Variants in H2AX observed in about 807,000 individuals in gnomAD.
H2AX encodes histone H2AX.
In H2AX, 2 loss-of-function variants were observed where a neutral mutation model predicts 8.0. The observed-to-expected ratio is 0.25, with a 90% CI of 0.10 to 0.79. H2AX has a LOEUF of 0.79. Ranked by LOEUF, H2AX falls within the 30% of genes least tolerant of loss-of-function variation. H2AX has a pLI of 0.69. For synonymous variants in H2AX, 110 were observed against 102.5 expected, an observed-to-expected ratio of 1.07 and a Z score of -0.44; for missense variants, 105 against 201.0, an observed-to-expected ratio of 0.52 and a Z score of 2.89.
Position 119,094,815 on chromosome 11 carries a change from C to G in H2AX, c.*148G>C, listed in dbSNP as rs1413888511. 1.2e-6 allele frequency: 1 copy of G among 826,754 alleles called. No individual in the cohort carries two copies. Among genetic ancestry groups the G allele is most frequent in the South Asian group, 1.9e-5 (1 of 51,442 alleles). The allele number at this position is 826,754 out of a possible 1,614,324, so 51.2% of individuals were successfully genotyped here. A position where few individuals can be genotyped will look rare whatever the true frequency, so the allele number is the denominator to read the frequency against. On this transcript the variant is annotated 3_prime_UTR_variant, in exon 1 of 1. Coordinates refer to ENST00000530167, the MANE Select transcript of H2AX (RefSeq NM_002105.3). ...CTCGAGGCCGGGCGGCGAAGGCGGG[C>G]GAGGGGAGGGGAGGGGAAGGGAGCC...
rs371487025 is a variant in H2AX, at chr11:119,095,131, G to A, written c.264C>T (p.Ile88=). 3.2e-5 allele frequency: 51 copies of A among 1,613,936 alleles called. No individual in the cohort carries two copies. Among genetic ancestry groups the A allele is most frequent in the Admixed American group, 6.7e-5 (4 of 60,012 alleles). The change falls in exon 1 of 1, where the codon ATC becomes ATT. Residue 88 remains isoleucine (I), a synonymous_variant. Coordinates refer to ENST00000530167, the MANE Select transcript of H2AX (RefSeq NM_002105.3). The part of the protein sequence containing the change: ...RIIPRHLQLA[I]RNDEELNKLL... ...GCTTGTTGAGCTCCTCGTCGTTGCG[G>A]ATGGCCAGCTGCAGGTGGCGGGGGA... is the stretch of plus-strand genomic sequence containing the variant.
Position 119,095,448 on chromosome 11 carries a change from C to T in H2AX, c.-54G>A, listed in dbSNP as rs1447594318. The T allele has an allele frequency of 4.1e-6, 6 of 1,461,644 alleles. No individual in the cohort carries two copies. The highest frequency in any genetic ancestry group is 2.5e-4 in the Middle Eastern group (1 of 3,938). 90.5% of individuals were successfully genotyped at this position (1,461,644 alleles called of 1,614,324 possible). On this transcript the variant is annotated 5_prime_UTR_variant, in exon 1 of 1. Coordinates refer to ENST00000530167, the MANE Select transcript of H2AX (RefSeq NM_002105.3). ...CGGCTCAAACACTAGAACAGACGCC[C>T]GCCGCAGTGTAACTGCTGTCGCGCG...
At position 119,094,643 on chromosome 11, in the gene H2AX, C is replaced by T. The variant is rs58232506; in HGVS notation, c.*320G>A. 6.8e-3 allele frequency: 1,497 copies of T among 220,536 alleles called. 24 individuals are homozygous for T. Among genetic ancestry groups the T allele is most frequent in the African/African-American group, 0.032 (1,413 of 43,700 alleles). 13.7% of individuals were successfully genotyped at this position (220,536 alleles called of 1,614,324 possible). On this transcript the variant is annotated 3_prime_UTR_variant, in exon 1 of 1. Transcript: ENST00000530167. ...GCCGCCGGCCTCCCCCCGGCAGGCT[C>T]GGGTCTTCCGCGCCACGGAGGTCCC...
In H2AX at chr11:119,094,852, G is replaced by T; in HGVS notation, c.*111C>A. 8.7e-7 allele frequency: 1 copy of T among 1,155,232 alleles called. No individual in the cohort carries two copies. Among genetic ancestry groups the T allele is most frequent in the African/African-American group, 1.6e-5 (1 of 62,812 alleles). 71.6% of individuals were successfully genotyped at this position (1,155,232 alleles called of 1,614,324 possible). On this transcript the variant is annotated 3_prime_UTR_variant, in exon 1 of 1. Coordinates refer to ENST00000530167, the MANE Select transcript of H2AX (RefSeq NM_002105.3). ...AGGGGAAGGGAGCCGCGGCCCGCTT[G>T]CCCCGCAGTCTGAAGCGGCTCAGCT...
chr11:119,094,257 C>T lies in H2AX; in HGVS notation c.*706G>A, dbSNP rs562765455. On this transcript the variant is annotated 3_prime_UTR_variant, in exon 1 of 1. Coordinates refer to ENST00000530167, the MANE Select transcript of H2AX (RefSeq NM_002105.3). ...CAAGTGCTTCGTCCCGGCCCCAGCGCAGACCTATGAATGAAGATGGAGGGA... is the reference window on the plus strand; with the variant it reads ...CAAGTGCTTCGTCCCGGCCCCAGCGTAGACCTATGAATGAAGATGGAGGGA... 1.3e-5 allele frequency: 2 copies of T among 152,432 alleles called. No homozygotes were observed. The highest frequency in any genetic ancestry group is 4.8e-5 in the African/African-American group (2 of 41,484). The allele number at this position is 152,432 out of a possible 1,614,324, so 9.4% of individuals were successfully genotyped here. A position where few individuals can be genotyped will look rare whatever the true frequency, so the allele number is the denominator to read the frequency against.
Position 119,095,408 on chromosome 11 carries a change from A to T in H2AX, c.-14T>A, listed in dbSNP as rs1489463023. The T allele has an allele frequency of 6.6e-6, 10 of 1,526,068 alleles. No individual in the cohort carries two copies. Among genetic ancestry groups the T allele is most frequent in the Non-Finnish European group, 8.7e-6 (10 of 1,144,834 alleles). 94.5% of individuals were successfully genotyped at this position (1,526,068 alleles called of 1,614,324 possible). On this transcript the variant is annotated 5_prime_UTR_variant, in exon 1 of 1. Transcript: ENST00000530167. ...GCGGCCCGACATGCTAGCGAGGTAG[A>T]CCGGTGAAGCACGACGGCTCAAACA... is the stretch of plus-strand genomic sequence containing the variant.
chr11:119,095,438 A>G lies in H2AX; in HGVS notation c.-44T>C, dbSNP rs550302575. 76 of 1,457,524 alleles carry G rather than the reference A, an allele frequency of 5.2e-5. No homozygotes were observed. The highest frequency in any genetic ancestry group is 5.0e-4 in the Middle Eastern group (2 of 3,992). The allele number at this position is 1,457,524 out of a possible 1,614,324, so 90.3% of individuals were successfully genotyped here. On this transcript the variant is annotated 5_prime_UTR_variant, in exon 1 of 1. Coordinates refer to ENST00000530167, the MANE Select transcript of H2AX (RefSeq NM_002105.3). Reference sequence around the variant, plus strand: ...TGAAGCACGACGGCTCAAACACTAGAACAGACGCCCGCCGCAGTGTAACTG... The same window carrying G: ...TGAAGCACGACGGCTCAAACACTAGGACAGACGCCCGCCGCAGTGTAACTG...
Position 119,095,432 on chromosome 11 carries a change from CACTAGA to C in H2AX, c.-44_-39del. The C allele has an allele frequency of 6.8e-7, 1 of 1,466,406 alleles. No homozygotes were observed. The highest frequency in any genetic ancestry group is 1.4e-5 in the South Asian group (1 of 70,748). 90.8% of individuals were successfully genotyped at this position (1,466,406 alleles called of 1,614,324 possible). A position where few individuals can be genotyped will look rare whatever the true frequency, so the allele number is the denominator to read the frequency against. On this transcript the variant is annotated 5_prime_UTR_variant, in exon 1 of 1. Transcript: ENST00000530167. ...GACCGGTGAAGCACGACGGCTCAAA[CACTAGA>C]ACAGACGCCCGCCGCAGTGTAACTG...
chr11:119,095,074 G>A lies in H2AX; in HGVS notation c.321C>T (p.Gly107=). 6.2e-7 allele frequency: 1 copy of A among 1,613,898 alleles called. No homozygotes were observed. Among genetic ancestry groups the A allele is most frequent in the Non-Finnish European group, 8.5e-7 (1 of 1,179,886 alleles). ...LLGGVTIAQG[G]VLPNIQAVLL... ...GCACGGCCTGGATGTTGGGCAGGAC[G>A]CCTCCCTGGGCGATCGTCACGCCGC... is the stretch of plus-strand genomic sequence containing the variant. The change falls in exon 1 of 1, where the codon GGC becomes GGT. Residue 107 remains glycine, a synonymous_variant. Coordinates refer to ENST00000530167, the MANE Select transcript of H2AX (RefSeq NM_002105.3).
In H2AX at chr11:119,095,332, G is replaced by T; in HGVS notation, c.63C>A (p.Arg21=). ...ARAKAKSRSS[R]AGLQFPVGRV... ...GGCCCACTGGGAACTGGAGGCCGGCGCGCGACGAGCGCGACTTGGCCTTGG... is the reference window on the plus strand; with the variant it reads ...GGCCCACTGGGAACTGGAGGCCGGCTCGCGACGAGCGCGACTTGGCCTTGG... The change falls in exon 1 of 1, where the codon CGC becomes CGA. Residue 21 remains arginine, a synonymous_variant. Transcript: ENST00000530167. The T allele has an allele frequency of 6.2e-7, 1 of 1,601,374 alleles. No individual in the cohort carries two copies. The highest frequency in any genetic ancestry group is 8.5e-7 in the Non-Finnish European group (1 of 1,173,776).
rs1946364506 is a variant in H2AX at position 119,094,930 on chromosome 11, G to A, written c.*33C>T. On this transcript the variant is annotated 3_prime_UTR_variant, in exon 1 of 1. Coordinates refer to ENST00000530167, the MANE Select transcript of H2AX (RefSeq NM_002105.3). ...AAAAGGGCCTTTGTGGTGGCATGGG[G>A]AGGCCTGGCGGCCGGCCGCGGCGCG... The A allele has an allele frequency of 5.1e-6, 8 of 1,572,636 alleles. No individual in the cohort carries two copies. The South Asian group carries it at 7.0e-5, about 14-fold the overall frequency.
At position 119,094,855 on chromosome 11, in the gene H2AX, C is replaced by G. The variant is rs1390755209; in HGVS notation, c.*108G>C. ...GGAAGGGAGCCGCGGCCCGCTTGCC[C>G]CGCAGTCTGAAGCGGCTCAGCTCTT... On this transcript the variant is annotated 3_prime_UTR_variant, in exon 1 of 1. Transcript: ENST00000530167. 8.4e-7 allele frequency: 1 copy of G among 1,196,582 alleles called. No homozygotes were observed. Among genetic ancestry groups the G allele is most frequent in the Non-Finnish European group, 1.1e-6 (1 of 886,630 alleles). The allele number at this position is 1,196,582 out of a possible 1,614,324, so 74.1% of individuals were successfully genotyped here.
At position 119,094,927 on chromosome 11, in the gene H2AX, G is replaced by A. The variant is rs776657992; in HGVS notation, c.*36C>T. On this transcript the variant is annotated 3_prime_UTR_variant, in exon 1 of 1. Coordinates refer to ENST00000530167, the MANE Select transcript of H2AX (RefSeq NM_002105.3). ...CTTAAAAGGGCCTTTGTGGTGGCAT[G>A]GGGAGGCCTGGCGGCCGGCCGCGGC... 1.3e-6 allele frequency: 2 copies of A among 1,569,200 alleles called. No individual in the cohort carries two copies. Among genetic ancestry groups the A allele is most frequent in the South Asian group, 1.2e-5 (1 of 85,838 alleles).
chr11:119,095,449 G>A lies in H2AX; in HGVS notation c.-55C>T, dbSNP rs530602734. The A allele has an allele frequency of 2.2e-3, 3,262 of 1,460,820 alleles. 7 individuals carry two copies. Among genetic ancestry groups the A allele is most frequent in the Non-Finnish European group, 2.7e-3 (2,972 of 1,112,258 alleles). The allele number at this position is 1,460,820 out of a possible 1,614,324, so 90.5% of individuals were successfully genotyped here. ...GGCTCAAACACTAGAACAGACGCCC[G>A]CCGCAGTGTAACTGCTGTCGCGCGC... On this transcript the variant is annotated 5_prime_UTR_variant, in exon 1 of 1. Transcript: ENST00000530167.
rs1946353358 is a variant in H2AX, at chr11:119,094,218, GA to G, written c.*744del. 6.5e-6 allele frequency: 1 copy of G among 152,718 alleles called. No homozygotes were observed. Among genetic ancestry groups the G allele is most frequent in the Admixed American group, 6.5e-5 (1 of 15,292 alleles). The allele number at this position is 152,718 out of a possible 1,614,324, so 9.5% of individuals were successfully genotyped here. On this transcript the variant is annotated 3_prime_UTR_variant, in exon 1 of 1. Transcript: ENST00000530167. ...CTAGGAGGCAGTCACTCGGGAGGAA[GA>G]TGTGCCTGTTACCAAGTGCTTCGTC...
chr11:119,095,390 G>C lies in H2AX; in HGVS notation c.5C>G (p.Ser2Trp). Reference sequence around the variant, plus strand: ...CTTGCCGCCAGTCTTGCCGCGGCCCGACATGCTAGCGAGGTAGACCGGTGA... The same window carrying C: ...CTTGCCGCCAGTCTTGCCGCGGCCCCACATGCTAGCGAGGTAGACCGGTGA... M[S>W]GRGKTGGKAR... is the part of the protein sequence containing the mutation. Residue 2 changes from serine to tryptophan, a missense_variant, in exon 1 of 1, where the codon TCG (serine) becomes TGG (tryptophan). This residue lies in a region of H2AX where 21 missense variants were observed against 22.7 expected (regional missense o/e 0.93). Transcript: ENST00000530167. The C allele has an allele frequency of 1.3e-6, 2 of 1,557,364 alleles. No homozygotes were observed. Among genetic ancestry groups the C allele is most frequent in the Non-Finnish European group, 8.6e-7 (1 of 1,157,758 alleles).
In H2AX at chr11:119,094,275, T is replaced by TG. The variant is rs1565760272; in HGVS notation, c.*687dup. 6.6e-6 allele frequency: 1 copy of TG among 152,260 alleles called. No individual in the cohort carries two copies. The highest frequency in any genetic ancestry group is 1.5e-5 in the Non-Finnish European group (1 of 68,076). 9.4% of individuals were successfully genotyped at this position (152,260 alleles called of 1,614,324 possible). A position where few individuals can be genotyped will look rare whatever the true frequency, so the allele number is the denominator to read the frequency against. ...CCCAGCGCAGACCTATGAATGAAGA[T>TG]GGAGGGAGAGCTGATGTGAAAGGCC... On this transcript the variant is annotated 3_prime_UTR_variant, in exon 1 of 1. Transcript: ENST00000530167.
In H2AX at chr11:119,094,223, G is replaced by A. The variant is rs1946353526; in HGVS notation, c.*740C>T. ...AGGCAGTCACTCGGGAGGAAGATGT[G>A]CCTGTTACCAAGTGCTTCGTCCCGG... On this transcript the variant is annotated 3_prime_UTR_variant, in exon 1 of 1. Coordinates refer to ENST00000530167, the MANE Select transcript of H2AX (RefSeq NM_002105.3). 2.0e-5 allele frequency: 3 copies of A among 152,650 alleles called. No homozygotes were observed. Among genetic ancestry groups the A allele is most frequent in the Non-Finnish European group, 4.4e-5 (3 of 68,140 alleles). 9.5% of individuals were successfully genotyped at this position (152,650 alleles called of 1,614,324 possible).
chr11:119,095,329 G>A lies in H2AX; in HGVS notation c.66C>T (p.Ala22=), dbSNP rs748295236. 3.1e-6 allele frequency: 5 copies of A among 1,603,812 alleles called. No homozygotes were observed. The highest frequency in any genetic ancestry group is 4.3e-6 in the Non-Finnish European group (5 of 1,174,978). Residue 22 remains alanine, a synonymous_variant, in exon 1 of 1, where the codon GCC becomes GCT. Transcript: ENST00000530167. ...CACGGCCCACTGGGAACTGGAGGCC[G>A]GCGCGCGACGAGCGCGACTTGGCCT... ...RAKAKSRSSR[A]GLQFPVGRVH...
Sources: gnomAD v4.1 joint callset for allele counts on GRCh38, gnomAD v4.1.1 for gene constraint, gnomAD v4.1.1 regional missense constraint, MANE v1.5 for transcripts, NCBI Gene and HGNC (gene_info 2026-07-23, HGNC 2026-07-21) for gene names.